SOX5: variants seen among roughly 807,000 people sequenced by gnomAD.
SOX5 encodes the protein SRY-box transcription factor 5.
In SOX5, 9 loss-of-function variants were observed where a neutral mutation model predicts 92.0. That is an observed-to-expected ratio of 0.10 (90% confidence interval 0.06 to 0.17). The LOEUF is 0.17. Among genes scored for constraint, SOX5 ranks in the 10% least tolerant of loss-of-function variants. SOX5 has a pLI of 1.00. For missense variants in SOX5, 642 were observed against 944.5 expected (o/e 0.68, Z 4.20); for synonymous variants, 344 against 336.3 (o/e 1.02, Z -0.25).
chr12:24,044,446 C>T lies in SOX5; in HGVS notation c.-1-148422G>A, dbSNP rs553036044. Among the ~76,000 whole-genome samples the T allele has an allele frequency of 1.3e-3, 192 of 152,264 alleles. 2 individuals are homozygous for T. The highest frequency in any genetic ancestry group is 4.2e-3 in the African/African-American group (176 of 41,552). ...AAGACAGTGAATTAAGACTTTTATG[C>T]TTCTTAGAAACATTCTCACGATAAG... On this transcript the variant is annotated intron_variant, in intron 4 of 4. Coordinates refer to the SOX5 transcript ENST00000446891.
rs755168238 is a variant in SOX5 at position 23,640,893 on chromosome 12, G to C, written c.936C>G (p.Asp312Glu). The change falls in exon 8 of 15, where the codon GAC (aspartate) becomes GAG (glutamate). Residue 312 changes from aspartate (D) to glutamate (E), a missense_variant. Coordinates refer to ENST00000451604, the MANE Select transcript of SOX5 (RefSeq NM_006940.6). ...TTGGGATCAGCTGAACAGGGTAAGG[G>C]TCACCTAAGTAAGAGAATAATAGAG... is the stretch of plus-strand genomic sequence containing the variant. ...PGFSYKAGCS[D>E]PYPVQLIPTT... 6.2e-7 allele frequency: 1 copy of C among 1,610,498 alleles called. No individual in the cohort carries two copies. The highest frequency in any genetic ancestry group is 1.7e-5 in the Admixed American group (1 of 59,530).
chr12:24,434,362 C>T (rs1465787015), intron 1 of SOX5, among the ~76,000 whole-genome samples: 2 of 152,116 alleles, frequency 1.3e-5, no homozygotes, highest in Non-Finnish European at 1.5e-5. Context: ...GGTAAGTCTG[C>T]CTGGGAGAGA....
At chr12:23,686,179 T>C (rs1048460455) in intron 6 of SOX5, among the ~76,000 whole-genome samples, 1 of 152,160 alleles carries the variant, frequency 6.6e-6, no homozygotes, top group Non-Finnish European at 1.5e-5. Flanking sequence ...TCAGGTTCTT[T>C]TGAATGAATA....
chr12:24,109,215 G>C (rs186904975), intron 4 of SOX5, among the ~76,000 whole-genome samples: 1 of 152,052 alleles, frequency 6.6e-6, no homozygotes, highest in Admixed American at 6.5e-5. Flanking sequence ...TCTTTCACTT[G>C]CTATTCTTGC....
chr12:23,599,344 G>C (rs891284888), intron 9 of SOX5, among the ~76,000 whole-genome samples: 1 of 152,192 alleles, frequency 6.6e-6, no homozygotes, highest in South Asian at 2.1e-4. Context: ...TCTTTTCCTT[G>C]TCATACTCCC....
At chr12:24,037,476 A>C (rs1459403726) in intron 4 of SOX5, among the ~76,000 whole-genome samples, 5 of 152,182 alleles carry the variant, frequency 3.3e-5, no homozygotes, top group Non-Finnish European at 7.4e-5. Context: ...AACAGATAAA[A>C]AATAATAAGA....
intron 1 of SOX5, among the ~76,000 whole-genome samples, chr12:24,477,389 C>G (rs554408017): frequency 4.6e-4 from 70 of 152,220 alleles, no homozygotes; most frequent in Admixed American, 1.3e-3. Context: ...CCACCTCGGC[C>G]TCCCAAAGTG....
intron 1 of SOX5, among the ~76,000 whole-genome samples, chr12:23,931,544 T>C (rs542652197): frequency 1.3e-4 from 20 of 151,838 alleles, no homozygotes; most frequent in African/African-American, 3.9e-4. Context: ...GAAACTTTGG[T>C]AACGAAAATG....
At chr12:24,395,085 A>G (rs1388466094) in intron 1 of SOX5, among the ~76,000 whole-genome samples, 1 of 152,202 alleles carries the variant, frequency 6.6e-6, no homozygotes, top group Non-Finnish European at 1.5e-5. Context: ...AACATTTATT[A>G]TACATTTCTT....
At chr12:24,160,645 A>C (rs1242770764) in intron 4 of SOX5, among the ~76,000 whole-genome samples, 4 of 152,034 alleles carry the variant, frequency 2.6e-5, no homozygotes, top group Non-Finnish European at 4.4e-5. Flanking sequence ...GATTACATAG[A>C]AAGGGAAGAA....
At chr12:23,976,406 C>CAAAAAAAAAA (rs869250917) in intron 4 of SOX5, among the ~76,000 whole-genome samples, 31 of 37,864 alleles carry the variant, frequency 8.2e-4, no homozygotes, top group African/African-American at 2.1e-3. Flanking sequence ...AACAAAAAAA[C>CAAAAAAAAAA]AAAAAAAAAA....
intron 3 of SOX5, among the ~76,000 whole-genome samples, chr12:23,819,124 A>G (rs1568030088): frequency 6.6e-6 from 1 of 152,266 alleles, no homozygotes; most frequent in Non-Finnish European, 1.5e-5. Flanking sequence ...TGTACTGTAC[A>G]TAACTGTATG....
intron 1 of SOX5, among the ~76,000 whole-genome samples, chr12:24,516,435 C>A (rs1475495430): frequency 2.0e-5 from 3 of 152,116 alleles, no homozygotes; most frequent in Non-Finnish European, 4.4e-5. Flanking sequence ...TTGCCCTCAA[C>A]ATAAACAAGT....
chr12:24,105,848 G>C (rs1188448501), intron 4 of SOX5, among the ~76,000 whole-genome samples: 1 of 151,294 alleles, frequency 6.6e-6, no homozygotes, highest in Non-Finnish European at 1.5e-5. Context: ...AAAAAGTACA[G>C]AAAGAAGCTT....
intron 1 of SOX5, among the ~76,000 whole-genome samples, chr12:24,454,938 G>A (rs1039784355): frequency 6.6e-6 from 1 of 151,902 alleles, no homozygotes; most frequent in African/African-American, 2.4e-5. Context: ...TCTCTTCTTA[G>A]AAAAAAAGAT....
chr12:23,653,694 T>C (rs933689125), intron 7 of SOX5, among the ~76,000 whole-genome samples: 4 of 152,130 alleles, frequency 2.6e-5, no homozygotes, highest in African/African-American at 4.8e-5. Flanking sequence ...CCTCACACTG[T>C]AGAAGGAGCA....
At chr12:24,046,732 T>C (rs1458125653) in intron 4 of SOX5, among the ~76,000 whole-genome samples, 4 of 146,900 alleles carry the variant, frequency 2.7e-5, no homozygotes, top group Non-Finnish European at 4.5e-5. Flanking sequence ...CAGGCTGGAG[T>C]GCAATGGTGC....
intron 3 of SOX5, among the ~76,000 whole-genome samples, chr12:24,250,021 C>G (rs548849559): frequency 6.6e-6 from 1 of 152,268 alleles, no homozygotes; most frequent in South Asian, 2.1e-4. Flanking sequence ...TCACCAAGCA[C>G]TGCCATTACA....
intron 6 of SOX5, among the ~76,000 whole-genome samples, chr12:23,685,027 C>T (rs1032215948): frequency 6.6e-6 from 1 of 152,080 alleles, no homozygotes; most frequent in African/African-American, 2.4e-5. Context: ...TTATCATCTT[C>T]CTTGACTATT....
Sources: gnomAD v4.1 joint callset for allele counts (sites outside exome capture counted in the v4.1 genomes callset) on GRCh38, gnomAD v4.1.1 for gene constraint, MANE v1.5 for transcripts, NCBI Gene and HGNC (gene_info 2026-07-23, HGNC 2026-07-21) for gene names.